MRPS28: variants seen among roughly 807,000 people sequenced by gnomAD.
The protein encoded by MRPS28 is mitochondrial ribosomal protein S28.
In MRPS28, 7 loss-of-function variants were observed where a neutral mutation model predicts 10.8. That is an observed-to-expected ratio of 0.65 (90% CI 0.37 to 1.22). The LOEUF (loss-of-function observed/expected upper bound fraction) is 1.22. MRPS28 is among the 50% of genes most tolerant of loss of function. The probability of loss-of-function intolerance (pLI) is 0.02; values close to 1 mark genes in which losing one functional copy is unlikely to be tolerated. For missense variants in MRPS28, 265 were observed against 232.9 expected (o/e 1.14, Z -0.90); for synonymous variants, 121 against 93.3 (o/e 1.30, Z -1.71).
At chr8:79,949,345 C>T (rs1473790644) in intron 2 of MRPS28, among the ~76,000 whole-genome samples, 1 of 150,052 alleles carries the variant, frequency 6.7e-6, no homozygotes, top group East Asian at 2.0e-4. Flanking sequence ...ACCCAGGAGG[C>T]AGAGGTTGCA....
At chr8:79,942,560 TATAA>T in intron 2 of MRPS28, among the ~76,000 whole-genome samples, 1 of 152,316 alleles carries the variant, frequency 6.6e-6, no homozygotes, top group East Asian at 1.9e-4. Flanking sequence ...ATGACATTTC[TATAA>T]ATAAAGCTGA....
At chr8:79,990,634 C>G (rs113287780) in intron 2 of MRPS28, among the ~76,000 whole-genome samples, 2 of 160 alleles carry the variant, frequency 0.013, no homozygotes, top group Non-Finnish European at 0.034. Context: ...GCATACACAG[C>G]AAAAAGAAAA....
chr8:79,950,875 T>C (rs765837676), intron 2 of MRPS28, among the ~76,000 whole-genome samples: 3 of 152,216 alleles, frequency 2.0e-5, no homozygotes, highest in Non-Finnish European at 4.4e-5. Context: ...TTAGGACTCA[T>C]ATTCCAAAGC....
intron 2 of MRPS28, among the ~76,000 whole-genome samples, chr8:79,940,878 T>TG (rs1340382554): frequency 6.6e-6 from 1 of 152,206 alleles, no homozygotes; most frequent in Non-Finnish European, 1.5e-5. Flanking sequence ...TTCTCACACA[T>TG]GAAAAAGCAA....
At chr8:79,949,444 A>C (rs933373677) in intron 2 of MRPS28, among the ~76,000 whole-genome samples, 7 of 151,850 alleles carry the variant, frequency 4.6e-5, no homozygotes, top group Non-Finnish European at 7.4e-5. Context: ...ACAAAAAAAA[A>C]CAAAACTAAT....
At chr8:79,987,657 C>A (rs1808229008) in intron 2 of MRPS28, among the ~76,000 whole-genome samples, 1 of 152,136 alleles carries the variant, frequency 6.6e-6, no homozygotes, top group Non-Finnish European at 1.5e-5. Context: ...ATTTATGCAG[C>A]CAAAAAACAC....
rs542889793 is a variant in MRPS28 at position 79,995,061 on chromosome 8, T to C, written c.395+7938A>G. Among the ~76,000 whole-genome samples, 10 of 152,322 alleles carry C rather than the reference T, an allele frequency of 6.6e-5. No individual in the cohort carries two copies. In the South Asian group the frequency reaches 1.9e-3, roughly 28 times the overall value. On this transcript the variant is annotated intron_variant, in intron 2 of 2. Coordinates refer to ENST00000276585, the MANE Select transcript of MRPS28 (RefSeq NM_014018.3). ...ACCATCGATTCCTTCTCCATGCCTGTAGAATACAATGAACAGAACTTATAT... is the reference window on the plus strand; with the variant it reads ...ACCATCGATTCCTTCTCCATGCCTGCAGAATACAATGAACAGAACTTATAT...
chr8:79,919,965 G>C (rs767775840), intron 2 of MRPS28, among the ~76,000 whole-genome samples: 1 of 104,020 alleles, frequency 9.6e-6, no homozygotes, highest in Non-Finnish European at 1.8e-5. Context: ...AACAGGCCCC[G>C]GTGTGTGATG....
At chr8:79,990,824 C>A (rs891114403) in intron 2 of MRPS28, among the ~76,000 whole-genome samples, 26 of 144,028 alleles carry the variant, frequency 1.8e-4, no homozygotes, top group South Asian at 2.2e-4. Flanking sequence ...CCCATCTCTA[C>A]AAAAAAAAAA....
chr8:80,018,033 T>TA (rs1301566982), intron 1 of MRPS28, among the ~76,000 whole-genome samples: 2 of 152,164 alleles, frequency 1.3e-5, no homozygotes, highest in Non-Finnish European at 2.9e-5. Flanking sequence ...CTCACGCCTA[T>TA]AATCCCTGCA....
intron 2 of MRPS28, among the ~76,000 whole-genome samples, chr8:79,995,071 T>C (rs1808465662): frequency 6.6e-6 from 1 of 152,158 alleles, no homozygotes; most frequent in African/African-American, 2.4e-5. Context: ...TAGAATACAA[T>C]GAACAGAACT....
intron 2 of MRPS28, among the ~76,000 whole-genome samples, chr8:79,964,158 T>G (rs1022189112): frequency 3.3e-5 from 5 of 152,086 alleles, no homozygotes; most frequent in Non-Finnish European, 7.4e-5. Flanking sequence ...CAGAGATTGC[T>G]GAAGTAGGGC....
chr8:79,985,143 A>G (rs1204696488), intron 2 of MRPS28, among the ~76,000 whole-genome samples: 1 of 152,212 alleles, frequency 6.6e-6, no homozygotes, highest in Non-Finnish European at 1.5e-5. Flanking sequence ...GCTCAACTAC[A>G]TGGAAACTGA....
At chr8:80,001,914 T>C (rs751706803) in intron 2 of MRPS28, among the ~76,000 whole-genome samples, 32 of 152,204 alleles carry the variant, frequency 2.1e-4, no homozygotes, top group Non-Finnish European at 4.0e-4. Context: ...TGACTTGACA[T>C]TGGCCATGCT....
At chr8:80,009,356 C>T (rs1242550894) in intron 1 of MRPS28, among the ~76,000 whole-genome samples, 1 of 151,964 alleles carries the variant, frequency 6.6e-6, no homozygotes, top group Non-Finnish European at 1.5e-5. Context: ...AGCACACCAA[C>T]ATGGCACATG....
At chr8:79,968,522 CT>C (rs1419004648) in intron 2 of MRPS28, among the ~76,000 whole-genome samples, 1 of 152,136 alleles carries the variant, frequency 6.6e-6, no homozygotes, top group African/African-American at 2.4e-5. Context: ...TCCAGACTCC[CT>C]GAATAGAACA....
At chr8:79,952,048 C>T (rs11781815) in intron 2 of MRPS28, among the ~76,000 whole-genome samples, 14,140 of 152,188 alleles carry the variant, frequency 0.093, 892 homozygotes, top group Middle Eastern at 0.19. Flanking sequence ...ACTTTTAATA[C>T]GAGTAATATC....
chr8:79,951,732 G>A (rs114827763), intron 2 of MRPS28, among the ~76,000 whole-genome samples: 2,706 of 152,268 alleles, frequency 0.018, 25 homozygotes, highest in Non-Finnish European at 0.023. Flanking sequence ...AGAGACACAC[G>A]AAAGAGATGC....
intron 1 of MRPS28, among the ~76,000 whole-genome samples, chr8:80,007,494 A>G (rs2130181398): frequency 6.6e-6 from 1 of 152,338 alleles, no homozygotes; most frequent in African/African-American, 2.4e-5. Flanking sequence ...CCCTGTTTGC[A>G]GATGACATGA....
Sources: gnomAD v4.1 joint callset for allele counts (sites outside exome capture counted in the v4.1 genomes callset) on GRCh38, gnomAD v4.1.1 for gene constraint, MANE v1.5 for transcripts, NCBI Gene and HGNC (gene_info 2026-07-23, HGNC 2026-07-21) for gene names.